Variants in MBD3 observed in about 807,000 individuals in gnomAD.
The protein encoded by MBD3 is methyl-CpG-binding domain protein 3.
In MBD3, 13 loss-of-function variants were observed where a neutral mutation model predicts 31.2. The ratio of observed to expected loss-of-function variants is 0.42; its 90% CI spans 0.27 to 0.66. MBD3 has a LOEUF of 0.66. Ranked by LOEUF, MBD3 falls within the 30% of genes least tolerant of loss-of-function variation. MBD3 has a pLI of 0.26. For synonymous variants in MBD3, 223 were observed against 187.4 expected (o/e 1.19, Z -1.55); for missense variants, 440 against 426.5 (o/e 1.03, Z -0.28).
At chr19:1,587,889 C>G (rs2060686545) in intron 1 of MBD3, among the ~76,000 whole-genome samples, 1 of 152,208 alleles carries the variant, frequency 6.6e-6, no homozygotes, top group South Asian at 2.1e-4. Context: ...TTCCCAGAAT[C>G]CTCTAGGGCA....
chr19:1,592,647 G>C lies in MBD3; in HGVS notation c.-16C>G, dbSNP rs1358245034. The stretch of plus-strand genomic sequence containing the variant: ...TCCGCTCCATTGCGCCCGGCTCCTC[G>C]GCCCGCCGCCGGGCCCGCCGCCGCC... On this transcript the variant is annotated 5_prime_UTR_variant, in exon 1 of 7. Transcript: ENST00000434436. The C allele has an allele frequency of 3.4e-6, 4 of 1,180,320 alleles. No individual in the cohort carries two copies. The highest frequency in any genetic ancestry group is 1.6e-5 in the African/African-American group (1 of 60,944). The allele number at this position is 1,180,320 out of a possible 1,614,324, so 73.1% of individuals were successfully genotyped here.
chr19:1,578,187 G>A lies in MBD3; in HGVS notation c.*6-29C>T, dbSNP rs1917254970. Reference sequence around the variant, plus strand: ...GAAAGGACAGGGAGGGCTGGCTTTAGCGACTCCACGGGACGGGGACGCTTG... The same window carrying A: ...GAAAGGACAGGGAGGGCTGGCTTTAACGACTCCACGGGACGGGGACGCTTG... On this transcript the variant is annotated intron_variant, in intron 6 of 6. Coordinates refer to ENST00000434436, the MANE Select transcript of MBD3 (RefSeq NM_001281453.2). The surrounding 1 kb of genome is among the most constrained non-coding windows in gnomAD (Gnocchi z 6.1). 5 of 1,271,396 alleles carry A rather than the reference G, an allele frequency of 3.9e-6. No homozygotes were observed. The South Asian group carries it at 5.5e-5, about 14-fold the overall frequency. 78.8% of individuals were successfully genotyped at this position (1,271,396 alleles called of 1,614,324 possible).
At position 1,581,974 on chromosome 19, in the gene MBD3, A is replaced by G. The variant is rs183585109; in HGVS notation, c.499+648T>C. Among the ~76,000 whole-genome samples, 510 of 152,170 alleles carry G rather than the reference A, an allele frequency of 3.4e-3. 1 individual carries two copies. Among genetic ancestry groups the G allele is most frequent in the Non-Finnish European group, 4.8e-3 (328 of 67,988 alleles). On this transcript the variant is annotated intron_variant, in intron 4 of 6. Coordinates refer to ENST00000434436, the MANE Select transcript of MBD3 (RefSeq NM_001281453.2). ...AGTAGAGACAGGGTTTCACCATGTTAGCCAGGATGATCTCGATCTCCTGAC... is the reference window on the plus strand; with the variant it reads ...AGTAGAGACAGGGTTTCACCATGTTGGCCAGGATGATCTCGATCTCCTGAC...
chr19:1,587,348 C>T (rs1568277377), intron 1 of MBD3, among the ~76,000 whole-genome samples: 1 of 152,098 alleles, frequency 6.6e-6, no homozygotes. Flanking sequence ...GCAGTCCTCC[C>T]ATCTTCCCTC....
rs1917070837 is a variant in MBD3, at chr19:1,576,107, G to A, written c.*2057C>T. 6.6e-6 allele frequency: 1 copy of A among 152,520 alleles called. No individual in the cohort carries two copies. Among genetic ancestry groups the A allele is most frequent in the African/African-American group, 2.4e-5 (1 of 41,434 alleles). 9.4% of individuals were successfully genotyped at this position (152,520 alleles called of 1,614,324 possible). A position where few individuals can be genotyped will look rare whatever the true frequency, so the allele number is the denominator to read the frequency against. ...GAGACAAGAGGGAGAGATAGAGACA[G>A]GGATAGACAGAGACAGAGAGAGACC... On this transcript the variant is annotated 3_prime_UTR_variant, in exon 7 of 7. Coordinates refer to ENST00000434436, the MANE Select transcript of MBD3 (RefSeq NM_001281453.2).
Position 1,585,143 on chromosome 19 carries a change from G to A in MBD3, c.182C>T (p.Thr61Ile), listed in dbSNP as rs1279896089. ...CATCTTGCCCGTGCGGAAGTCGAAG[G>A]TGCTCAGGTCCATGGAGCCGCCCAG... is the stretch of plus-strand genomic sequence containing the variant. Reference protein sequence around the residue: ...RYLGGSMDLSTFDFRTGKMLM... With the variant: ...RYLGGSMDLSIFDFRTGKMLM... The change falls in exon 2 of 7, where the codon ACC (threonine) becomes ATC (isoleucine). Residue 61 changes from threonine to isoleucine, a missense_variant. Around this residue, in one of 3 missense-constraint regions of MBD3, gnomAD observed 179 missense variants for 134.7 expected, o/e 1.33. Transcript: ENST00000434436. The surrounding 1 kb of genome is among the most constrained non-coding windows in gnomAD (Gnocchi z 4.1). 1 of 1,611,314 alleles carries A rather than the reference G, an allele frequency of 6.2e-7. No homozygotes were observed. Among genetic ancestry groups the A allele is most frequent in the Non-Finnish European group, 8.5e-7 (1 of 1,179,474 alleles).
chr19:1,581,708 G>GT (rs1453425809), intron 4 of MBD3: 28 of 290,732 alleles, frequency 9.6e-5, no homozygotes, highest in African/African-American at 4.9e-4. Flanking sequence ...CGGCGCCACT[G>GT]TACTTCAGCA....
In MBD3 at chr19:1,576,152, T is replaced by C. The variant is rs1210181287; in HGVS notation, c.*2012A>G. 3.3e-5 allele frequency: 5 copies of C among 151,918 alleles called. No individual in the cohort carries two copies. Among genetic ancestry groups the C allele is most frequent in the Non-Finnish European group, 7.3e-5 (5 of 68,102 alleles). The allele number at this position is 151,918 out of a possible 1,614,324, so 9.4% of individuals were successfully genotyped here. ...GAGACCAAGGGAGACAGGGACACAG[T>C]GGGAGATGGGAAGAGGGAAACAGAG... On this transcript the variant is annotated 3_prime_UTR_variant, in exon 7 of 7. Transcript: ENST00000434436.
intron 4 of MBD3, 30 bp from the exon 5 acceptor site, chr19:1,581,299 T>C: frequency 6.3e-7 from 1 of 1,597,770 alleles, no homozygotes; most frequent in Non-Finnish European, 8.5e-7. Context: ...CAGCCGCAAG[T>C]GGAGAGGTCA....
At chr19:1,591,445 C>G (rs926191212) in intron 1 of MBD3, among the ~76,000 whole-genome samples, 10 of 152,126 alleles carry the variant, frequency 6.6e-5, no homozygotes, top group African/African-American at 2.4e-4. Flanking sequence ...GCACAGTGGA[C>G]GGAGCGGTCG....
At position 1,578,421 on chromosome 19, in the gene MBD3, G is replaced by A. The variant is rs753429036; in HGVS notation, c.795C>T (p.Ala265=). 6.2e-7 allele frequency: 1 copy of A among 1,605,566 alleles called. No individual in the cohort carries two copies. The highest frequency in any genetic ancestry group is 8.5e-7 in the Non-Finnish European group (1 of 1,179,762). ...CTTCCTCGTCGTCGTCCTCAGCGCA[G>A]GCCTTGTCCAGCGGCGCCTCCCCGT... ...ARDGEAPLDK[A]CAEDDDEEDE... is the part of the protein sequence containing the mutation. The change falls in exon 6 of 7, where the codon GCC becomes GCT. Residue 265 remains alanine (A), a synonymous_variant. Transcript: ENST00000434436. The surrounding 1 kb of genome is among the most constrained non-coding windows in gnomAD (Gnocchi z 6.1).
In MBD3 at chr19:1,575,433, A is replaced by T. The variant is rs1200400993; in HGVS notation, c.*2731T>A. ...GTCTAAAAAAAAAAAAAGTCCCAGA[A>T]GGTCTTGGGGCTGAGACATGGGCGG... On this transcript the variant is annotated 3_prime_UTR_variant, in exon 7 of 7. Coordinates refer to ENST00000434436, the MANE Select transcript of MBD3 (RefSeq NM_001281453.2). 1 of 327,176 alleles carries T rather than the reference A, an allele frequency of 3.1e-6. No individual in the cohort carries two copies. Among genetic ancestry groups the T allele is most frequent in the Non-Finnish European group, 6.1e-6 (1 of 163,636 alleles). The allele number at this position is 327,176 out of a possible 1,614,324, so 20.3% of individuals were successfully genotyped here. A position where few individuals can be genotyped will look rare whatever the true frequency, so the allele number is the denominator to read the frequency against.
In MBD3 at chr19:1,578,365, G is replaced by A. The variant is rs1166449379; in HGVS notation, c.851C>T (p.Pro284Leu). 1.1e-5 allele frequency: 17 copies of A among 1,603,954 alleles called. No homozygotes were observed. The highest frequency in any genetic ancestry group is 5.3e-5 in the African/African-American group (4 of 75,028). The change falls in exon 6 of 7, where the codon CCG (proline) becomes CTG (leucine). Residue 284 changes from proline (P) to leucine (L), a missense_variant. Pro to Leu is a moderately conservative substitution (Grantham distance 98). Transcript: ENST00000434436. This position sits in a 1 kb window ranked among gnomAD's most constrained non-coding sequence, Gnocchi z 6.1. ...CTAGACGTGCTCCATCTCCGGGTCC[G>A]GGTCGGGCTCCTCCTCCTCCTCCTC... ...DEEEEEEEPD[P>L]DPEMEHV
intron 2 of MBD3, 70 bp downstream of exon 2, chr19:1,584,985 C>T (rs1454331902): frequency 1.9e-6 from 3 of 1,588,248 alleles, no homozygotes; most frequent in Admixed American, 1.7e-5. Flanking sequence ...TCGCCTGCAG[C>T]TCACGTCATG....
Position 1,575,799 on chromosome 19 carries a change from G to A in MBD3, c.*2365C>T, listed in dbSNP as rs1238055269. The A allele has an allele frequency of 6.6e-6, 1 of 152,604 alleles. No homozygotes were observed. The highest frequency in any genetic ancestry group is 6.5e-5 in the Admixed American group (1 of 15,302). 9.5% of individuals were successfully genotyped at this position (152,604 alleles called of 1,614,324 possible). ...GGTCCCCAAGGTTTCAGGGAGAGAG[G>A]AAAGGACCCTCAAGCTTCGTCAACA... On this transcript the variant is annotated 3_prime_UTR_variant, in exon 7 of 7. Transcript: ENST00000434436.
At chr19:1,592,414 C>G in intron 1 of MBD3, 108 bp downstream of exon 1, 1 of 292,534 alleles carries the variant, frequency 3.4e-6, no homozygotes, top group Non-Finnish European at 5.7e-6. Flanking sequence ...GCACGCACGA[C>G]GCACGCGCGG....
At position 1,585,711 on chromosome 19, in the gene MBD3, C is replaced by T. The variant is rs1039876585; in HGVS notation, c.111-497G>A. Among the ~76,000 whole-genome samples the T allele has an allele frequency of 6.6e-6, 1 of 152,214 alleles. No individual in the cohort carries two copies. The highest frequency in any genetic ancestry group is 1.5e-5 in the Non-Finnish European group (1 of 68,044). ...CCAGACATGGAATTTAGGTCACATT[C>T]TTGAGAAAAGACCCCACGGAGAACA... On this transcript the variant is annotated intron_variant, in intron 1 of 6. Transcript: ENST00000434436. The surrounding 1 kb of genome is among the most constrained non-coding windows in gnomAD (Gnocchi z 4.1).
At chr19:1,592,422 C>A (rs551708372) in intron 1 of MBD3, 100 bp downstream of exon 1, 3 of 336,306 alleles carry the variant, frequency 8.9e-6, no homozygotes, top group Non-Finnish European at 1.4e-5. Context: ...GACGCACGCG[C>A]GGGGCCCAGG....
intron 3 of MBD3, among the ~76,000 whole-genome samples, 182 bp downstream of exon 3, chr19:1,584,358 A>G (rs2060667288): frequency 6.6e-6 from 1 of 152,138 alleles, no homozygotes; most frequent in Non-Finnish European, 1.5e-5. Flanking sequence ...CTGGGACCAC[A>G]GGCGGGCGCC....
Sources: gnomAD v4.1 joint callset for allele counts (sites outside exome capture counted in the v4.1 genomes callset) on GRCh38, gnomAD v4.1.1 for gene constraint, gnomAD v4.1.1 regional missense constraint, Gnocchi (gnomAD v3.1) non-coding constraint, MANE v1.5 for transcripts, NCBI Gene and HGNC (gene_info 2026-07-23, HGNC 2026-07-21) for gene names.